NCAM2: variants seen among roughly 807,000 people sequenced by gnomAD.
NCAM2 encodes N-CAM-2.
NCAM2 carries 30 observed loss-of-function variants against 98.1 expected under a neutral mutation model. That is an observed-to-expected ratio of 0.31 (90% CI 0.23 to 0.41). The LOEUF is 0.41. NCAM2 is among the 10% of genes least tolerant of loss of function. The probability of loss-of-function intolerance (pLI) is 1.00; values close to 1 mark genes in which losing one functional copy is unlikely to be tolerated. For synonymous variants in NCAM2, 368 were observed against 342.4 expected (o/e 1.07, Z -0.83); for missense variants, 867 against 1,005.8 (o/e 0.86, Z 1.87).
chr21:21,410,408 A>C lies in NCAM2; in HGVS notation c.1330A>C (p.Lys444Gln), dbSNP rs930926009. Residue 444 changes from lysine to glutamine, a missense_variant, in exon 10 of 18, where the codon AAA becomes CAA. This residue lies in a region of NCAM2 where 56 missense variants were observed against 39.6 expected (regional missense o/e 1.41). Coordinates refer to ENST00000400546, the MANE Select transcript of NCAM2 (RefSeq NM_004540.5). ...WRRDKLVLPA[K>Q]NTTNLKTYST... Reference sequence around the variant, plus strand: ...AAGAGATAAATTAGTCTTACCTGCTAAAAACACGACCAATTTAAAGACTTA... The same window carrying C: ...AAGAGATAAATTAGTCTTACCTGCTCAAAACACGACCAATTTAAAGACTTA... 4.4e-6 allele frequency: 7 copies of C among 1,597,694 alleles called. No homozygotes were observed. The Admixed American group carries it at 1.2e-4, about 27-fold the overall frequency.
At chr21:21,292,910 C>T (rs2147582647) in intron 5 of NCAM2, among the ~76,000 whole-genome samples, 1 of 152,000 alleles carries the variant, frequency 6.6e-6, no homozygotes, top group Admixed American at 6.6e-5. Context: ...CCTCAAGACA[C>T]AATCATGGCA....
At chr21:21,187,417 A>C (rs1259704330) in intron 1 of NCAM2, among the ~76,000 whole-genome samples, 1 of 152,072 alleles carries the variant, frequency 6.6e-6, no homozygotes, top group East Asian at 1.9e-4. Flanking sequence ...TTTAGCCTCC[A>C]ACCTCCATAT....
intron 1 of NCAM2, among the ~76,000 whole-genome samples, chr21:21,176,183 G>A (rs1220639190): frequency 6.6e-6 from 1 of 152,112 alleles, no homozygotes; most frequent in East Asian, 1.9e-4. Flanking sequence ...GGAAGCACTA[G>A]GCTATTTGTA....
intron 1 of NCAM2, among the ~76,000 whole-genome samples, chr21:21,209,761 G>T (rs1050863685): frequency 6.6e-6 from 1 of 152,174 alleles, no homozygotes; most frequent in South Asian, 2.1e-4. Context: ...ATATACAATG[G>T]CTGAGTAGTG....
At chr21:21,086,907 G>A (rs1226999114) in intron 1 of NCAM2, among the ~76,000 whole-genome samples, 1 of 151,050 alleles carries the variant, frequency 6.6e-6, no homozygotes, top group Non-Finnish European at 1.5e-5. Flanking sequence ...TGTCTTGCTA[G>A]GATTTTTTCA....
intron 15 of NCAM2, among the ~76,000 whole-genome samples, chr21:21,482,687 CAAT>C (rs1985995736): frequency 6.6e-6 from 1 of 151,592 alleles, no homozygotes; most frequent in Non-Finnish European, 1.5e-5. Flanking sequence ...ACATTGATAA[CAAT>C]AATTTTTCTT....
intron 5 of NCAM2, among the ~76,000 whole-genome samples, chr21:21,292,712 G>C (rs2073340921): frequency 6.6e-6 from 1 of 151,822 alleles, no homozygotes; most frequent in Non-Finnish European, 1.5e-5. Flanking sequence ...TTCCTCCAAA[G>C]TTGCTTCTCC....
chr21:21,319,593 A>T (rs2074318808), intron 5 of NCAM2, among the ~76,000 whole-genome samples: 1 of 152,206 alleles, frequency 6.6e-6, no homozygotes, highest in African/African-American at 2.4e-5. Context: ...GTGAGCTGAG[A>T]TCATACCACT....
At chr21:21,508,770 C>A in intron 15 of NCAM2, 81 bp from the exon 16 acceptor site, 1 of 893,574 alleles carries the variant, frequency 1.1e-6, no homozygotes, top group Admixed American at 4.1e-5. Flanking sequence ...AAATAATCAT[C>A]TAATATTTTC....
At chr21:21,447,638 T>G (rs2146111276) in intron 12 of NCAM2, among the ~76,000 whole-genome samples, 1 of 152,004 alleles carries the variant, frequency 6.6e-6, no homozygotes, top group East Asian at 1.9e-4. Flanking sequence ...TGTTTGCAAT[T>G]TACCCATCTG....
intron 8 of NCAM2, among the ~76,000 whole-genome samples, chr21:21,359,257 G>T (rs1387260574): frequency 1.3e-5 from 2 of 151,888 alleles, no homozygotes; most frequent in East Asian, 3.9e-4. Flanking sequence ...AGGCAAAATG[G>T]ATACTTCTAT....
chr21:21,312,130 C>A (rs948647814), intron 5 of NCAM2, among the ~76,000 whole-genome samples: 1 of 152,008 alleles, frequency 6.6e-6, no homozygotes, highest in African/African-American at 2.4e-5. Context: ...AATGTTAGGT[C>A]TAAATTTTTT....
chr21:21,401,310 T>C (rs1327409639), intron 9 of NCAM2, among the ~76,000 whole-genome samples: 2 of 152,180 alleles, frequency 1.3e-5, no homozygotes, highest in Non-Finnish European at 2.9e-5. Context: ...TACTCAGCCT[T>C]TTTCGTGGTG....
chr21:21,348,655 T>G (rs2147928167), intron 8 of NCAM2, among the ~76,000 whole-genome samples: 1 of 152,062 alleles, frequency 6.6e-6, no homozygotes, highest in Non-Finnish European at 1.5e-5. Flanking sequence ...AGAATAAAAC[T>G]GGACAAATCA....
intron 1 of NCAM2, among the ~76,000 whole-genome samples, chr21:21,159,846 T>A (rs533113217): frequency 6.6e-6 from 1 of 151,696 alleles, no homozygotes; most frequent in South Asian, 2.1e-4. Context: ...TTTTGTGGTT[T>A]AAACATTTAT....
chr21:21,052,427 G>A (rs7509993), intron 1 of NCAM2, among the ~76,000 whole-genome samples: 143,067 of 152,112 alleles, frequency 0.94, 67,893 homozygotes, highest in East Asian at 1. Context: ...AGCCTCTCAA[G>A]GTAGATGTCC....
chr21:21,073,578 T>C (rs143585927), intron 1 of NCAM2, among the ~76,000 whole-genome samples: 1 of 152,304 alleles, frequency 6.6e-6, no homozygotes, highest in Admixed American at 6.5e-5. Flanking sequence ...CAGTGAGCAA[T>C]TAACCTAGCA....
intron 16 of NCAM2, among the ~76,000 whole-genome samples, chr21:21,531,603 A>T (rs1989699484): frequency 6.6e-6 from 1 of 152,168 alleles, no homozygotes; most frequent in Non-Finnish European, 1.5e-5. Flanking sequence ...AAGTTCTAAA[A>T]TATGGCAGGA....
chr21:21,302,859 A>G (rs1466095495), intron 5 of NCAM2, among the ~76,000 whole-genome samples: 1 of 152,180 alleles, frequency 6.6e-6, no homozygotes, highest in African/African-American at 2.4e-5. Context: ...CTAGATTCCC[A>G]TCAATATTGG....
Sources: gnomAD v4.1 joint callset for allele counts (sites outside exome capture counted in the v4.1 genomes callset) on GRCh38, gnomAD v4.1.1 for gene constraint, gnomAD v4.1.1 regional missense constraint, MANE v1.5 for transcripts, NCBI Gene and HGNC (gene_info 2026-07-23, HGNC 2026-07-21) for gene names.